The following TRIO variants were observed in gnomAD, a reference collection of about 807,000 sequenced individuals.
The protein encoded by TRIO is trio Rho guanine nucleotide exchange factor, also known as triple functional domain protein.
TRIO carries 58 observed loss-of-function variants against 351.9 expected under a neutral mutation model. That is an observed-to-expected ratio of 0.16 (90% CI 0.13 to 0.21). The LOEUF (loss-of-function observed/expected upper bound fraction) is 0.21. TRIO is among the 10% of genes least tolerant of loss of function. The probability of loss-of-function intolerance (pLI) is 1.00; values close to 1 mark genes in which losing one functional copy is unlikely to be tolerated. For missense variants in TRIO, 3,201 were observed against 4,027.8 expected (o/e 0.79, Z 5.56); for synonymous variants, 1,758 against 1,595.7 (o/e 1.10, Z -2.42).
chr5:14,433,319 C>T (rs1751327961), intron 34 of TRIO, among the ~76,000 whole-genome samples: 2 of 152,194 alleles, frequency 1.3e-5, no homozygotes, highest in African/African-American at 4.8e-5. Flanking sequence ...AGCAGGAACT[C>T]CTGTGCTGAA....
At chr5:14,320,540 C>T (rs537649495) in intron 9 of TRIO, among the ~76,000 whole-genome samples, 1 of 152,292 alleles carries the variant, frequency 6.6e-6, no homozygotes, top group South Asian at 2.1e-4. Flanking sequence ...CACCCCCTTG[C>T]AAGTGTCTCT....
intron 1 of TRIO, among the ~76,000 whole-genome samples, chr5:14,222,117 AGAT>A (rs1792672455): frequency 6.6e-6 from 1 of 151,126 alleles, no homozygotes; most frequent in South Asian, 2.1e-4. Flanking sequence ...CTGAAGGCTC[AGAT>A]GATGTTAGCA....
chr5:14,509,597 T>C lies in TRIO; in HGVS notation c.*1175T>C. 3.3e-6 allele frequency: 1 copy of C among 306,206 alleles called. No homozygotes were observed. Among genetic ancestry groups the C allele is most frequent in the Non-Finnish European group, 6.4e-6 (1 of 157,308 alleles). The allele number at this position is 306,206 out of a possible 1,614,324, so 19.0% of individuals were successfully genotyped here. On this transcript the variant is annotated 3_prime_UTR_variant, in exon 57 of 57. Transcript: ENST00000344204. Reference sequence around the variant, plus strand: ...TTTTTCCCAAAATCAGTCTGGACATTTACTACTTTTTAGACTTTTTGACGT... The same window carrying C: ...TTTTTCCCAAAATCAGTCTGGACATCTACTACTTTTTAGACTTTTTGACGT...
intron 21 of TRIO, among the ~76,000 whole-genome samples, chr5:14,384,242 C>T (rs1056368846): frequency 6.6e-6 from 1 of 152,218 alleles, no homozygotes; most frequent in Non-Finnish European, 1.5e-5. Flanking sequence ...CCACAGCCTT[C>T]TTCCCATAGG....
At position 14,399,275 on chromosome 5, in the gene TRIO, CTT is replaced by C. The variant is rs925803925; in HGVS notation, c.4614+206_4614+207del. ...TAGAGGGTGCTCTGGAGTTTATAGA[CTT>C]AGGAAACTTGCTCTTCTTAAATCCT... On this transcript the variant is annotated intron_variant, in intron 30 of 56. Transcript: ENST00000344204. The C allele has an allele frequency of 2.3e-5, 13 of 559,948 alleles. No individual in the cohort carries two copies. The African/African-American group carries it at 2.4e-4, about 10-fold the overall frequency. 34.7% of individuals were successfully genotyped at this position (559,948 alleles called of 1,614,324 possible).
rs781714875 is a variant in TRIO, at chr5:14,286,729, T to TGA, written c.348-140_348-139dup. The TGA allele has an allele frequency of 2.7e-5, 21 of 768,516 alleles. No homozygotes were observed. The highest frequency in any genetic ancestry group is 4.3e-5 in the Non-Finnish European group (21 of 488,216). 47.6% of individuals were successfully genotyped at this position (768,516 alleles called of 1,614,324 possible). ...GTACAAGGGAGGGACGAGAAGGAGC[T>TGA]GAGCACAGTGTGCTCCTTCCCCTGC... On this transcript the variant is annotated intron_variant, in intron 3 of 56. Transcript: ENST00000344204. This position sits in a 1 kb window ranked among gnomAD's most constrained non-coding sequence, Gnocchi z 4.4.
At chr5:14,394,573 A>T (rs894408469) in intron 28 of TRIO, among the ~76,000 whole-genome samples, 1 of 152,162 alleles carries the variant, frequency 6.6e-6, no homozygotes, top group Admixed American at 6.5e-5. Context: ...CAGAACACAG[A>T]TCTGGCTGAT....
chr5:14,462,701 C>A, intron 35 of TRIO, 54 bp from the exon 36 acceptor site: 1 of 1,604,362 alleles, frequency 6.2e-7, no homozygotes, highest in South Asian at 1.1e-5. Flanking sequence ...AACCCTTGGT[C>A]CACGTCTGTG....
chr5:14,221,597 G>T (rs932986729), intron 1 of TRIO, among the ~76,000 whole-genome samples: 1 of 152,192 alleles, frequency 6.6e-6, no homozygotes, highest in African/African-American at 2.4e-5. Context: ...ACTTCGAAGG[G>T]TTCAGCACTT....
At chr5:14,178,713 A>G (rs1789559083) in intron 1 of TRIO, among the ~76,000 whole-genome samples, 1 of 152,118 alleles carries the variant, frequency 6.6e-6, no homozygotes, top group Non-Finnish European at 1.5e-5. Context: ...CCCACTGGTC[A>G]TTTTTTGTGG....
rs567312544 is a variant in TRIO, at chr5:14,297,977, A to G, written c.1368+714A>G. Among the ~76,000 whole-genome samples the G allele has an allele frequency of 8.5e-4, 130 of 152,276 alleles. 1 individual carries two copies. The Middle Eastern group carries it at 0.01, about 12-fold the overall frequency. On this transcript the variant is annotated intron_variant, in intron 7 of 56. Coordinates refer to ENST00000344204, the MANE Select transcript of TRIO (RefSeq NM_007118.4). ...GCCCCCAGCACATTTCCCCTCGGCTAGTCTTGGGGTGCACATCCATGCCTT... is the reference window on the plus strand; with the variant it reads ...GCCCCCAGCACATTTCCCCTCGGCTGGTCTTGGGGTGCACATCCATGCCTT...
intron 5 of TRIO, 40 bp downstream of exon 5, chr5:14,291,268 G>A (rs1736878461): frequency 6.3e-7 from 1 of 1,589,128 alleles, no homozygotes; most frequent in Non-Finnish European, 8.6e-7. Context: ...GGACATGGGG[G>A]AAGCCAGCGC....
At chr5:14,455,654 T>G (rs918932627) in intron 34 of TRIO, among the ~76,000 whole-genome samples, 1 of 152,062 alleles carries the variant, frequency 6.6e-6, no homozygotes, top group African/African-American at 2.4e-5. Flanking sequence ...TACAATCCTT[T>G]AACTAAACAT....
At position 14,471,355 on chromosome 5, in the gene TRIO, A is replaced by G. The variant is rs768080581; in HGVS notation, c.5801A>G (p.Gln1934Arg). Reference protein sequence around the residue: ...EDRPSSLLVDQGDSSSPSFNP... With the variant: ...EDRPSSLLVDRGDSSSPSFNP... Reference sequence around the variant, plus strand: ...CGCCCCAGCTCACTCCTTGTTGACCAGGGAGATAGTAGCAGCCCTTCCTTC... The same window carrying G: ...CGCCCCAGCTCACTCCTTGTTGACCGGGGAGATAGTAGCAGCCCTTCCTTC... The change falls in exon 38 of 57, where the codon CAG becomes CGG. Residue 1934 changes from glutamine to arginine, a missense_variant. By Grantham distance (43) the Gln-to-Arg change is conservative (BLOSUM62 1). Around this residue, in one of 19 missense-constraint regions of TRIO, gnomAD observed 307 missense variants for 396.5 expected, o/e 0.77. Transcript: ENST00000344204. 2.0e-5 allele frequency: 32 copies of G among 1,613,992 alleles called. No individual in the cohort carries two copies. Among genetic ancestry groups the G allele is most frequent in the African/African-American group, 2.7e-5 (2 of 74,934 alleles).
chr5:14,324,204 GA>G (rs913986783), intron 9 of TRIO, among the ~76,000 whole-genome samples: 49 of 151,958 alleles, frequency 3.2e-4, no homozygotes, highest in African/African-American at 1.2e-3. Flanking sequence ...TTTGCAACTG[GA>G]AAAAAAATCT....
intron 34 of TRIO, among the ~76,000 whole-genome samples, chr5:14,424,650 TC>T (rs1402736663): frequency 6.6e-6 from 1 of 152,168 alleles, no homozygotes; most frequent in African/African-American, 2.4e-5. Flanking sequence ...ACTACCAAGA[TC>T]AGCTCTCAGG....
In TRIO at chr5:14,304,602, C is replaced by T; in HGVS notation, c.1500+10C>T. The T allele has an allele frequency of 6.2e-7, 1 of 1,608,286 alleles. No homozygotes were observed. Among genetic ancestry groups the T allele is most frequent in the Non-Finnish European group, 8.5e-7 (1 of 1,178,428 alleles). ...TCTTGCTTATTCTGAGGTAAGTGGC[C>T]AGTTTTACTTACATTGCAAAGCAGC... On this transcript the variant is annotated intron_variant, in intron 8 of 56. Coordinates refer to ENST00000344204, the MANE Select transcript of TRIO (RefSeq NM_007118.4).
rs70964542 is a variant in TRIO, at chr5:14,180,100, CAAAAA to C, written c.157+36242_157+36246del. 7.5e-3 allele frequency among the ~76,000 whole-genome samples: 209 copies of C among 27,690 alleles called. 1 individual carries two copies. The highest frequency in any genetic ancestry group is 0.022 in the African/African-American group (202 of 8,984). 18.2% of individuals were successfully genotyped at this position (27,690 alleles called of 152,430 possible). The stretch of plus-strand genomic sequence containing the variant: ...TGGGTGACAGAGCAGGACTCCTGCT[CAAAAA>C]AAAAAAAAAAAAAAAAAAAAAAAGA... On this transcript the variant is annotated intron_variant, in intron 1 of 56. Transcript: ENST00000344204.
At chr5:14,204,217 A>G (rs985193943) in intron 1 of TRIO, among the ~76,000 whole-genome samples, 5 of 152,172 alleles carry the variant, frequency 3.3e-5, no homozygotes, top group African/African-American at 1.2e-4. Flanking sequence ...GCTTGACCTC[A>G]CAATAAAATA....
Sources: allele counts gnomAD v4.1 joint callset (sites outside exome capture counted in the v4.1 genomes callset), GRCh38; gene constraint gnomAD v4.1.1; regional missense constraint gnomAD v4.1.1; non-coding constraint Gnocchi (gnomAD v3.1); transcripts MANE v1.5; gene names NCBI Gene and HGNC (gene_info 2026-07-23, HGNC 2026-07-21).